Variants in NUFIP2 observed in about 807,000 individuals in gnomAD.
NUFIP2 encodes FMR1-interacting protein NUFIP2.
NUFIP2 carries 6 observed loss-of-function variants against 56.9 expected under a neutral mutation model. That is an observed-to-expected ratio of 0.11 (90% CI 0.06 to 0.21). The LOEUF (loss-of-function observed/expected upper bound fraction) is 0.21. Among genes scored for constraint, NUFIP2 ranks in the 10% least tolerant of loss-of-function variants. NUFIP2 has a pLI of 1.00. For missense variants in NUFIP2, 828 were observed against 826.8 expected, an observed-to-expected ratio of 1.00 and a Z score of -0.02; for synonymous variants, 321 against 298.2, an observed-to-expected ratio of 1.08 and a Z score of -0.79.
intron 1 of NUFIP2, among the ~76,000 whole-genome samples, chr17:29,289,853 T>C (rs1028170795): frequency 3.9e-5 from 6 of 152,160 alleles, no homozygotes; most frequent in African/African-American, 1.4e-4. Context: ...GAAAACATAC[T>C]CAAGGCATAA....
In NUFIP2 at chr17:29,287,560, C is replaced by T. The variant is rs1371273350; in HGVS notation, c.434G>A (p.Gly145Glu). The stretch of plus-strand genomic sequence containing the variant: ...ATTCTTGGTTTTAATTCCTGCTTTC[C>T]CAAAGGTGTTGGCCTTTACAGTCTG... ...LKQTVKANTF[G>E]KAGIKTKNFI... The change falls in exon 2 of 4, where the codon GGG (glycine) becomes GAG (glutamate). Residue 145 changes from glycine to glutamate, a missense_variant. By Grantham distance (98) the Gly-to-Glu change is moderately conservative. Coordinates refer to ENST00000225388, the MANE Select transcript of NUFIP2 (RefSeq NM_020772.3). The T allele has an allele frequency of 1.2e-6, 2 of 1,613,988 alleles. No homozygotes were observed.
intron 1 of NUFIP2, among the ~76,000 whole-genome samples, chr17:29,288,867 T>C (rs562487063): frequency 6.6e-6 from 1 of 152,334 alleles, no homozygotes; most frequent in South Asian, 2.1e-4. Context: ...TAATTAAAAG[T>C]CTTCAACTGC....
chr17:29,293,759 C>T (rs1454537516), intron 1 of NUFIP2, 24 bp downstream of exon 1: 3 of 1,533,394 alleles, frequency 2.0e-6, no homozygotes, highest in Non-Finnish European at 2.7e-6. Flanking sequence ...AACCCCCTTC[C>T]CCCACCCGTC....
chr17:29,283,452 C>T (rs1201247541), intron 2 of NUFIP2, among the ~76,000 whole-genome samples: 1 of 152,146 alleles, frequency 6.6e-6, no homozygotes, highest in Non-Finnish European at 1.5e-5. Context: ...GATCCTCCCT[C>T]CTAAGCCTCC....
At chr17:29,271,337 T>C (rs1196658549) in intron 2 of NUFIP2, among the ~76,000 whole-genome samples, 3 of 151,748 alleles carry the variant, frequency 2.0e-5, no homozygotes, top group Non-Finnish European at 4.4e-5. Context: ...AGGAGTTCGA[T>C]ACCAGCCTGG....
chr17:29,281,923 C>A (rs557459221), intron 2 of NUFIP2, among the ~76,000 whole-genome samples: 1 of 151,904 alleles, frequency 6.6e-6, no homozygotes, highest in South Asian at 2.1e-4. Flanking sequence ...TGCTACCACG[C>A]CCGGCTAATT....
intron 2 of NUFIP2, among the ~76,000 whole-genome samples, chr17:29,274,611 CTAAGAA>C (rs2069096214): frequency 6.6e-6 from 1 of 152,118 alleles, no homozygotes; most frequent in African/African-American, 2.4e-5. Flanking sequence ...CACAAAGTCA[CTAAGAA>C]TGAGAGATTT....
chr17:29,278,800 A>G (rs2069123781), intron 2 of NUFIP2, among the ~76,000 whole-genome samples: 1 of 152,216 alleles, frequency 6.6e-6, no homozygotes, highest in Non-Finnish European at 1.5e-5. Context: ...ATCTTTCACC[A>G]GTATCAAGGT....
chr17:29,284,052 T>C (rs2069156010), intron 2 of NUFIP2, among the ~76,000 whole-genome samples: 1 of 152,210 alleles, frequency 6.6e-6, no homozygotes, highest in African/African-American at 2.4e-5. Flanking sequence ...CACAAATCAC[T>C]TTGTTATTCA....
In NUFIP2 at chr17:29,294,124, T is replaced by C. The variant is rs181373149; in HGVS notation, c.-65A>G. 2.0e-6 allele frequency: 3 copies of C among 1,529,592 alleles called. No individual in the cohort carries two copies. The highest frequency in any genetic ancestry group is 1.4e-5 in the African/African-American group (1 of 73,084). 94.8% of individuals were successfully genotyped at this position (1,529,592 alleles called of 1,614,324 possible). A position where few individuals can be genotyped will look rare whatever the true frequency, so the allele number is the denominator to read the frequency against. ...CTGCACCGTCAGGATCTGAGACTGC[T>C]TCTCAGGGCTCACTCAGTATATCTG... On this transcript the variant is annotated 5_prime_UTR_variant, in exon 1 of 4. Coordinates refer to ENST00000225388, the MANE Select transcript of NUFIP2 (RefSeq NM_020772.3).
intron 2 of NUFIP2, among the ~76,000 whole-genome samples, chr17:29,280,697 C>A (rs1323629496): frequency 1.3e-5 from 2 of 151,992 alleles, no homozygotes; most frequent in African/African-American, 2.4e-5. Context: ...TAAAAAAGAG[C>A]CATCACAGCC....
At chr17:29,282,132 A>T (rs1303141925) in intron 2 of NUFIP2, among the ~76,000 whole-genome samples, 1 of 152,044 alleles carries the variant, frequency 6.6e-6, no homozygotes, top group Admixed American at 6.6e-5. Context: ...TCAAATTTTT[A>T]AAAATCCATA....
Position 29,286,133 on chromosome 17 carries a change from T to G in NUFIP2, c.1861A>C (p.Ile621Leu), listed in dbSNP as rs1250029027. ...ALVFLSKDYE[I>L]ESQNPLASPT... ...GAGGCCAGAGGATTTTGACTTTCTA[T>G]CTCGTAGTCCTTTGAGAGAAACACT... The change falls in exon 2 of 4, where the codon ATA (isoleucine) becomes CTA (leucine). Residue 621 changes from isoleucine (I) to leucine (L), a missense_variant. Transcript: ENST00000225388. 1.9e-6 allele frequency: 3 copies of G among 1,614,154 alleles called. No homozygotes were observed. The highest frequency in any genetic ancestry group is 1.7e-6 in the Non-Finnish European group (2 of 1,180,024).
In NUFIP2 at chr17:29,260,538, G is replaced by T. The variant is rs1179266652; in HGVS notation, c.*4001C>A. 6.6e-6 allele frequency: 1 copy of T among 152,164 alleles called. No homozygotes were observed. The highest frequency in any genetic ancestry group is 1.9e-4 in the East Asian group (1 of 5,206). 9.4% of individuals were successfully genotyped at this position (152,164 alleles called of 1,614,324 possible). Reference sequence around the variant, plus strand: ...AATTGAGTAAAGTCCATTTCCAATAGCCATTTGATACATGACAATTTCACA... The same window carrying T: ...AATTGAGTAAAGTCCATTTCCAATATCCATTTGATACATGACAATTTCACA... On this transcript the variant is annotated 3_prime_UTR_variant, in exon 4 of 4. Transcript: ENST00000225388.
intron 2 of NUFIP2, among the ~76,000 whole-genome samples, chr17:29,281,802 T>C (rs1369368993): frequency 6.7e-6 from 1 of 149,380 alleles, no homozygotes; most frequent in African/African-American, 2.5e-5. Context: ...CCTTGCTCTG[T>C]CGTCCAGGCT....
chr17:29,278,166 ACTC>A lies in NUFIP2; in HGVS notation c.2002+7823_2002+7825del, dbSNP rs1306851222. ...CAGGATAAGAAGAATTATCCAGACT[ACTC>A]CTAAATAGAAACTCGGAACTCAAGT... On this transcript the variant is annotated intron_variant, in intron 2 of 3. Transcript: ENST00000225388. 3.3e-5 allele frequency among the ~76,000 whole-genome samples: 5 copies of A among 151,846 alleles called. No homozygotes were observed. The East Asian group carries it at 7.7e-4, about 23-fold the overall frequency.
chr17:29,287,277 T>C lies in NUFIP2; in HGVS notation c.717A>G (p.Ile239Met), dbSNP rs759519894. Residue 239 changes from isoleucine to methionine, a missense_variant, in exon 2 of 4, where the codon ATA becomes ATG. Ile to Met is a conservative substitution (Grantham distance 10, BLOSUM62 1). This residue lies in a region of NUFIP2 where 415 missense variants were observed against 408.7 expected (regional missense o/e 1.02). Coordinates refer to ENST00000225388, the MANE Select transcript of NUFIP2 (RefSeq NM_020772.3). ...NSAKGCENLN[I>M]VQDKIMQQET... ...CTTGTTGCATTATTTTGTCCTGCAC[T>C]ATATTAAGGTTTTCACAACCCTTGG... The C allele has an allele frequency of 3.1e-6, 5 of 1,614,088 alleles. No homozygotes were observed. Among genetic ancestry groups the C allele is most frequent in the African/African-American group, 1.3e-5 (1 of 74,942 alleles).
intron 2 of NUFIP2, 21 bp from the exon 3 acceptor site, chr17:29,267,551 T>C (rs756016745): frequency 1.3e-6 from 2 of 1,492,552 alleles, no homozygotes; most frequent in African/African-American, 1.4e-5. Context: ...AAAAAGAGAA[T>C]TACATACTAA....
chr17:29,264,388 T>C lies in NUFIP2; in HGVS notation c.*151A>G. ...TTTTTTAAATAACTATATATATATA[T>C]ATGTATATATATATATTTGTATATA... is the stretch of plus-strand genomic sequence containing the variant. On this transcript the variant is annotated 3_prime_UTR_variant, in exon 4 of 4. Coordinates refer to ENST00000225388, the MANE Select transcript of NUFIP2 (RefSeq NM_020772.3). The C allele has an allele frequency of 4.4e-6, 1 of 225,614 alleles. No individual in the cohort carries two copies. Among genetic ancestry groups the C allele is most frequent in the Non-Finnish European group, 8.7e-6 (1 of 114,424 alleles). 14.0% of individuals were successfully genotyped at this position (225,614 alleles called of 1,614,324 possible).
Sources: allele counts gnomAD v4.1 joint callset (sites outside exome capture counted in the v4.1 genomes callset), GRCh38; gene constraint gnomAD v4.1.1; regional missense constraint gnomAD v4.1.1; transcripts MANE v1.5; gene names NCBI Gene and HGNC (gene_info 2026-07-23, HGNC 2026-07-21).